Variants in ZUP1 observed in about 807,000 individuals in gnomAD.
ZUP1 encodes zinc finger containing ubiquitin peptidase 1.
ZUP1 carries 55 observed loss-of-function variants against 68.1 expected under a neutral mutation model. That is an observed-to-expected ratio of 0.81 (90% CI 0.65 to 1.01). The LOEUF (loss-of-function observed/expected upper bound fraction) is 1.01. Ranked by LOEUF, ZUP1 falls within the 50% of genes least tolerant of loss-of-function variation. The probability of loss-of-function intolerance (pLI) is 0.00; values close to 1 mark genes in which losing one functional copy is unlikely to be tolerated. For missense variants in ZUP1, 684 were observed against 674.9 expected, an observed-to-expected ratio of 1.01 and a Z score of -0.15; for synonymous variants, 223 against 221.5, an observed-to-expected ratio of 1.01 and a Z score of -0.06.
In ZUP1 at chr6:116,642,535, C is replaced by T. The variant is rs1031291577; in HGVS notation, c.1689+3179G>A. Among the ~76,000 whole-genome samples, 509 of 152,168 alleles carry T rather than the reference C, an allele frequency of 3.3e-3. 3 individuals are homozygous for T. Among genetic ancestry groups the T allele is most frequent in the African/African-American group, 0.012 (485 of 41,502 alleles). On this transcript the variant is annotated intron_variant, in intron 9 of 9. Transcript: ENST00000368576. ...TGGGATGCAAGGCTGGTTCAATATA[C>T]GCAAATCAATAAATGTAATCCAGAA...
chr6:116,667,254 G>T, intron 1 of ZUP1, 47 bp from the exon 2 acceptor site: 2 of 1,297,770 alleles, frequency 1.5e-6, no homozygotes, highest in Non-Finnish European at 2.1e-6. Context: ...AAGAAAAAAT[G>T]TGTTTCATAA....
Position 116,645,583 on chromosome 6 carries a change from CAAAAAAAAAA to C in ZUP1, c.1689+121_1689+130del, listed in dbSNP as rs59393240. 87 of 431,304 alleles carry C rather than the reference CAAAAAAAAAA, an allele frequency of 2.0e-4. 1 individual carries two copies. Among genetic ancestry groups the C allele is most frequent in the Admixed American group, 4.5e-4 (7 of 15,402 alleles). The allele number at this position is 431,304 out of a possible 1,614,324, so 26.7% of individuals were successfully genotyped here. ...GGTCAACAGAGTGAGACCCTGTCTC[CAAAAAAAAAA>C]AAAAAAAAGAAAAAGAATAGAAAAA... On this transcript the variant is annotated intron_variant, in intron 9 of 9. Transcript: ENST00000368576.
chr6:116,638,895 T>C (rs1775988517), intron 9 of ZUP1, among the ~76,000 whole-genome samples: 1 of 152,174 alleles, frequency 6.6e-6, no homozygotes, highest in African/African-American at 2.4e-5. Flanking sequence ...ATTGCCTCAC[T>C]CGGGAAGCGC....
chr6:116,657,184 A>C (rs1367652751), intron 4 of ZUP1, among the ~76,000 whole-genome samples: 1 of 152,310 alleles, frequency 6.6e-6, no homozygotes, highest in East Asian at 1.9e-4. Context: ...TGATTTTTTC[A>C]AGGAAACTTG....
chr6:116,643,905 T>C (rs1285146017), intron 9 of ZUP1, among the ~76,000 whole-genome samples: 1 of 152,034 alleles, frequency 6.6e-6, no homozygotes, highest in Non-Finnish European at 1.5e-5. Flanking sequence ...ACAGGCAACC[T>C]ACAAAATAGG....
At chr6:116,656,611 TA>T in intron 5 of ZUP1, 72 bp downstream of exon 5, 1 of 1,250,556 alleles carries the variant, frequency 8.0e-7, no homozygotes, top group Non-Finnish European at 1.1e-6. Flanking sequence ...TAAGCAAAAT[TA>T]AAATGATTCT....
chr6:116,653,513 T>C (rs1227515285), intron 5 of ZUP1, among the ~76,000 whole-genome samples: 1 of 151,928 alleles, frequency 6.6e-6, no homozygotes, highest in African/African-American at 2.4e-5. Flanking sequence ...AATGAACCAA[T>C]AGTTGTAGCT....
At chr6:116,667,357 ATT>A in intron 1 of ZUP1, 150 bp from the exon 2 acceptor site, 1 of 428,246 alleles carries the variant, frequency 2.3e-6, no homozygotes, top group Non-Finnish European at 4.0e-6. Context: ...ACAAAAACTT[ATT>A]TATAAATATC....
chr6:116,637,188 C>T (rs1277834730), intron 9 of ZUP1, among the ~76,000 whole-genome samples: 1 of 152,130 alleles, frequency 6.6e-6, no homozygotes. Context: ...GCTCCAGATG[C>T]AAACTGCCTA....
intron 3 of ZUP1, among the ~76,000 whole-genome samples, chr6:116,659,530 C>A (rs1405328519): frequency 6.6e-6 from 1 of 151,678 alleles, no homozygotes; most frequent in African/African-American, 2.4e-5. Context: ...ACTGAGGAAA[C>A]CAGAATTTTA....
At chr6:116,643,008 C>T (rs199993591) in intron 9 of ZUP1, among the ~76,000 whole-genome samples, 34 of 152,134 alleles carry the variant, frequency 2.2e-4, no homozygotes, top group Admixed American at 6.5e-4. Flanking sequence ...ACAAAATCAA[C>T]GTACAAAAAT....
In ZUP1 at chr6:116,646,009, G is replaced by A. The variant is rs1583365553; in HGVS notation, c.1469-75C>T. On this transcript the variant is annotated intron_variant, in intron 8 of 9. Transcript: ENST00000368576. The stretch of plus-strand genomic sequence containing the variant: ...TACAAATAGTCTCTGTATGTATGTT[G>A]TGTGATCATATGTGTGTTTAGAATA... The A allele has an allele frequency of 3.8e-6, 4 of 1,044,684 alleles. No homozygotes were observed. In the East Asian group the frequency reaches 7.3e-5, roughly 19 times the overall value. The allele number at this position is 1,044,684 out of a possible 1,614,324, so 64.7% of individuals were successfully genotyped here. A position where few individuals can be genotyped will look rare whatever the true frequency, so the allele number is the denominator to read the frequency against.
At chr6:116,645,651 A>G (rs1776269942) in intron 9 of ZUP1, 63 bp downstream of exon 9, 1 of 1,283,966 alleles carries the variant, frequency 7.8e-7, no homozygotes, top group African/African-American at 1.5e-5. Flanking sequence ...ATTTTAAACT[A>G]AAAGTTTTAA....
chr6:116,663,182 TAA>T (rs1294762170), intron 2 of ZUP1, among the ~76,000 whole-genome samples: 3 of 152,172 alleles, frequency 2.0e-5, no homozygotes, highest in Admixed American at 6.5e-5. Flanking sequence ...TCTACCACTC[TAA>T]AAAGTGTTTG....
At chr6:116,647,051 G>A (rs1776330374) in intron 8 of ZUP1, among the ~76,000 whole-genome samples, 1 of 152,164 alleles carries the variant, frequency 6.6e-6, no homozygotes, top group African/African-American at 2.4e-5. Flanking sequence ...ATTACCCAAT[G>A]AAGTATTGTA....
At chr6:116,649,234 G>A (rs1196410540) in intron 7 of ZUP1, among the ~76,000 whole-genome samples, 1 of 152,008 alleles carries the variant, frequency 6.6e-6, no homozygotes, top group Non-Finnish European at 1.5e-5. Flanking sequence ...AAAAGAATGT[G>A]ATACACTGGT....
intron 5 of ZUP1, 49 bp downstream of exon 5, chr6:116,656,635 A>G: frequency 7.2e-7 from 1 of 1,383,136 alleles, no homozygotes; most frequent in South Asian, 1.4e-5. Context: ...TTATTACTTC[A>G]GTGGTATAAG....
chr6:116,656,762 A>G lies in ZUP1; in HGVS notation c.883T>C (p.Ser295Pro), dbSNP rs758218305. Residue 295 changes from serine to proline, a missense_variant, in exon 5 of 10, where the codon TCT (serine) becomes CCT (proline). By Grantham distance (74) the Ser-to-Pro change is moderately conservative. Transcript: ENST00000368576. Reference sequence around the variant, plus strand: ...TCAGCTTTTCTCCTATGAAATTCAGATGGAGGCATTCTTCCCCTATTTACT... The same window carrying G: ...TCAGCTTTTCTCCTATGAAATTCAGGTGGAGGCATTCTTCCCCTATTTACT... ...IEVNRGRMPPSEFHRRKADMM... is the reference protein window; with the variant it reads ...IEVNRGRMPPPEFHRRKADMM... The G allele has an allele frequency of 5.0e-6, 8 of 1,612,608 alleles. No homozygotes were observed. The highest frequency in any genetic ancestry group is 6.8e-6 in the Non-Finnish European group (8 of 1,179,298).
chr6:116,656,988 T>G (rs1776688192), intron 4 of ZUP1, 136 bp from the exon 5 acceptor site: 2 of 549,788 alleles, frequency 3.6e-6, no homozygotes, highest in Non-Finnish European at 5.8e-6. Flanking sequence ...ACTTAAAGAT[T>G]TTTACAAAAA....
Sources: gnomAD v4.1 joint callset for allele counts (sites outside exome capture counted in the v4.1 genomes callset) on GRCh38, gnomAD v4.1.1 for gene constraint, MANE v1.5 for transcripts, NCBI Gene and HGNC (gene_info 2026-07-23, HGNC 2026-07-21) for gene names.